MTHFD1L: variants seen among roughly 807,000 people sequenced by gnomAD.
MTHFD1L encodes the protein methylenetetrahydrofolate dehydrogenase (NADP+ dependent) 1 like, also known as monofunctional C1-tetrahydrofolate synthase, mitochondrial.
Under a neutral mutation model 119.5 loss-of-function variants are expected in MTHFD1L, and 81 were observed. The ratio of observed to expected loss-of-function variants is 0.68; its 90% CI spans 0.57 to 0.82. The LOEUF (loss-of-function observed/expected upper bound fraction) is 0.82. MTHFD1L is among the 40% of genes least tolerant of loss of function. MTHFD1L has a pLI of 0.00. For synonymous variants in MTHFD1L, 430 were observed against 475.2 expected (o/e 0.90, Z 1.24); for missense variants, 1,125 against 1,253.4 (o/e 0.90, Z 1.55).
chr6:150,882,664 A>T (rs1583354303), intron 4 of MTHFD1L, 98 bp from the exon 5 acceptor site: 1 of 848,568 alleles, frequency 1.2e-6, no homozygotes, highest in South Asian at 2.6e-5. Flanking sequence ...ACTATAACAG[A>T]TGCATTTTCA....
intron 11 of MTHFD1L, among the ~76,000 whole-genome samples, chr6:150,929,664 C>A (rs1313604111): frequency 6.6e-6 from 1 of 152,204 alleles, no homozygotes; most frequent in Non-Finnish European, 1.5e-5. Flanking sequence ...TAGAACATTT[C>A]TCCACGCTGG....
intron 12 of MTHFD1L, 37 bp from the exon 13 acceptor site, chr6:150,938,662 G>A (rs1792541449): frequency 3.1e-6 from 5 of 1,596,960 alleles, no homozygotes; most frequent in Non-Finnish European, 3.4e-6. Flanking sequence ...GCTGTACTTG[G>A]TGACCCGTTT....
At position 151,039,830 on chromosome 6, in the gene MTHFD1L, G is replaced by A. The variant is rs1352701602; in HGVS notation, c.2847+2713G>A. 6.6e-6 allele frequency among the ~76,000 whole-genome samples: 1 copy of A among 152,112 alleles called. No homozygotes were observed. The highest frequency in any genetic ancestry group is 1.5e-5 in the Non-Finnish European group (1 of 68,028). The stretch of plus-strand genomic sequence containing the variant: ...CTCAGGAGGCTGAGGCAGGAGAATC[G>A]CTTGAACCCGGGAGGCAGAAGTTGC... On this transcript the variant is annotated intron_variant, in intron 26 of 27. Transcript: ENST00000367321. This position sits in a 1 kb window ranked among gnomAD's most constrained non-coding sequence, Gnocchi z 4.4.
At chr6:150,928,575 G>A (rs1331950824) in intron 11 of MTHFD1L, among the ~76,000 whole-genome samples, 1 of 136,326 alleles carries the variant, frequency 7.3e-6, no homozygotes, top group Admixed American at 7.5e-5. Flanking sequence ...TTTTTGAGAT[G>A]AAGTCACCCA....
intron 26 of MTHFD1L, among the ~76,000 whole-genome samples, chr6:151,061,691 A>G (rs1180417976): frequency 1.3e-5 from 2 of 152,220 alleles, no homozygotes; most frequent in Admixed American, 6.5e-5. Context: ...TGTGCTATCA[A>G]TGAAAGTTTC....
intron 14 of MTHFD1L, 25 bp from the exon 15 acceptor site, chr6:150,945,442 T>C (rs773440363): frequency 1.3e-6 from 2 of 1,592,174 alleles, no homozygotes; most frequent in South Asian, 2.3e-5. Context: ...TTTTGTGTGG[T>C]CTCATTTTTG....
intron 20 of MTHFD1L, among the ~76,000 whole-genome samples, chr6:150,981,918 T>G (rs1225885918): frequency 6.6e-6 from 1 of 152,028 alleles, no homozygotes; most frequent in East Asian, 1.9e-4. Flanking sequence ...AGATCCCATC[T>G]CTATAAAAAA....
Position 151,039,687 on chromosome 6 carries a change from C to T in MTHFD1L, c.2847+2570C>T, listed in dbSNP as rs1281788587. Among the ~76,000 whole-genome samples the T allele has an allele frequency of 2.6e-5, 4 of 152,088 alleles. No individual in the cohort carries two copies. Among genetic ancestry groups the T allele is most frequent in the Non-Finnish European group, 5.9e-5 (4 of 68,004 alleles). The stretch of plus-strand genomic sequence containing the variant: ...ATCCCAGCACTTTGGGAGGCCGAGG[C>T]GGGCGGATCACAAGGTCAGGAGTTC... On this transcript the variant is annotated intron_variant, in intron 26 of 27. Transcript: ENST00000367321. This position sits in a 1 kb window ranked among gnomAD's most constrained non-coding sequence, Gnocchi z 4.4.
intron 26 of MTHFD1L, among the ~76,000 whole-genome samples, chr6:151,064,301 G>A (rs1321365254): frequency 1.3e-5 from 2 of 152,040 alleles, no homozygotes; most frequent in Non-Finnish European, 1.5e-5. Context: ...AAATATTCTT[G>A]AAGTGTTAAA....
chr6:151,025,474 A>G (rs1338190162), intron 24 of MTHFD1L, among the ~76,000 whole-genome samples: 3 of 152,376 alleles, frequency 2.0e-5, no homozygotes, highest in Middle Eastern at 3.4e-3. Flanking sequence ...GAAGTACAGG[A>G]AAGGCTGCTT....
At chr6:150,898,777 C>G (rs1784662181) in intron 7 of MTHFD1L, 1 of 357,148 alleles carries the variant, frequency 2.8e-6, no homozygotes, top group East Asian at 1.1e-4. Context: ...TACACATTCT[C>G]TTTCTTAGCC....
intron 20 of MTHFD1L, among the ~76,000 whole-genome samples, chr6:150,983,423 C>T (rs1777825639): frequency 6.6e-6 from 1 of 151,966 alleles, no homozygotes; most frequent in South Asian, 2.1e-4. Context: ...ACTTTTCTGC[C>T]CTGGTGATAT....
chr6:151,005,124 T>C (rs542228688), intron 20 of MTHFD1L, among the ~76,000 whole-genome samples: 1 of 152,090 alleles, frequency 6.6e-6, no homozygotes, highest in South Asian at 2.1e-4. Context: ...AACCTATAGG[T>C]TATATATGTT....
chr6:150,881,892 C>T (rs1781451218), intron 4 of MTHFD1L, among the ~76,000 whole-genome samples: 1 of 152,166 alleles, frequency 6.6e-6, no homozygotes. Context: ...GTTTCCCCTG[C>T]CACTGCACAG....
chr6:151,038,473 C>G (rs996725492), intron 26 of MTHFD1L, among the ~76,000 whole-genome samples: 2 of 152,050 alleles, frequency 1.3e-5, no homozygotes, highest in African/African-American at 4.8e-5. Flanking sequence ...GGTCACATGG[C>G]CAAGGATCTT....
At chr6:150,894,274 A>AGATATACTAGTAAAATAGCGTGACTTAGG (rs1783844706) in intron 7 of MTHFD1L, among the ~76,000 whole-genome samples, 2 of 152,286 alleles carry the variant, frequency 1.3e-5, no homozygotes, top group Non-Finnish European at 2.9e-5. Flanking sequence ...GATCGTAAGT[A>AGATATACTAGTAAAATAGCGTGACTTAGG]GATATACTAG....
At chr6:150,892,936 C>G (rs904404821) in intron 7 of MTHFD1L, among the ~76,000 whole-genome samples, 1 of 152,130 alleles carries the variant, frequency 6.6e-6, no homozygotes, top group African/African-American at 2.4e-5. Flanking sequence ...CTGGAGGCCA[C>G]AGTGGTGCAA....
intron 7 of MTHFD1L, among the ~76,000 whole-genome samples, chr6:150,901,859 AG>A (rs1431577440): frequency 1.3e-5 from 2 of 152,132 alleles, no homozygotes; most frequent in African/African-American, 4.8e-5. Flanking sequence ...GACCCTCATG[AG>A]GAATTTAACT....
At chr6:151,000,389 T>C (rs890070609) in intron 20 of MTHFD1L, among the ~76,000 whole-genome samples, 1 of 152,060 alleles carries the variant, frequency 6.6e-6, no homozygotes, top group African/African-American at 2.4e-5. Flanking sequence ...TCTTTTTCCT[T>C]TAGGTCTCCT....
Sources: gnomAD v4.1 joint callset for allele counts (sites outside exome capture counted in the v4.1 genomes callset) on GRCh38, gnomAD v4.1.1 for gene constraint, Gnocchi (gnomAD v3.1) non-coding constraint, MANE v1.5 for transcripts, NCBI Gene and HGNC (gene_info 2026-07-23, HGNC 2026-07-21) for gene names.